PCDHA9: variants seen among roughly 807,000 people sequenced by gnomAD.
PCDHA9 encodes protocadherin alpha 9, also known as protocadherin alpha-9.
Under a neutral mutation model 62.0 loss-of-function variants are expected in PCDHA9, and 62 were observed. The observed-to-expected ratio is 1.00, with a 90% CI of 0.81 to 1.23. PCDHA9 has a LOEUF of 1.23. PCDHA9 is among the 50% of genes most tolerant of loss of function. The pLI, the probability that PCDHA9 is intolerant of heterozygous loss-of-function variation, is 0.00. For missense variants in PCDHA9, 1,205 were observed against 1,249.8 expected, an observed-to-expected ratio of 0.96 and a Z score of 0.54; for synonymous variants, 557 against 567.6, an observed-to-expected ratio of 0.98 and a Z score of 0.27.
In PCDHA9 at chr5:140,928,656, T is replaced by A. The variant is rs116598649; in HGVS notation, c.2395-50293T>A. ...TCACAAAAGTGGTAGCAGAGGATGC[T>A]GACAGTGGTTCTAATGCCTGGCTTT... On this transcript the variant is annotated intron_variant, in intron 1 of 3. Transcript: ENST00000532602. 5,180 of 1,614,228 alleles carry A rather than the reference T, an allele frequency of 3.2e-3. 26 individuals are homozygous for A. Among genetic ancestry groups the A allele is most frequent in the African/African-American group, 0.019 (1,449 of 75,056 alleles).
chr5:140,986,285 A>AGACT (rs1311762694), intron 3 of PCDHA9, among the ~76,000 whole-genome samples: 3 of 152,134 alleles, frequency 2.0e-5, no homozygotes, highest in Admixed American at 2.0e-4. Flanking sequence ...GCTTCCCTTG[A>AGACT]GACTGAGCAG....
intron 1 of PCDHA9, among the ~76,000 whole-genome samples, chr5:140,913,163 T>C (rs1248646454): frequency 1.3e-5 from 2 of 152,198 alleles, no homozygotes; most frequent in African/African-American, 4.8e-5. Context: ...AGGATTGGTA[T>C]TAGTTCTTCT....
At chr5:140,908,422 C>T (rs1403455941) in intron 1 of PCDHA9, among the ~76,000 whole-genome samples, 1 of 152,176 alleles carries the variant, frequency 6.6e-6, no homozygotes, top group Non-Finnish European at 1.5e-5. Context: ...TGATGGAATG[C>T]TGCTGTGCGC....
chr5:140,952,566 G>A (rs1198943972), intron 1 of PCDHA9, among the ~76,000 whole-genome samples: 1 of 151,938 alleles, frequency 6.6e-6, no homozygotes, highest in African/African-American at 2.4e-5. Flanking sequence ...TCAGCACTTC[G>A]GTCCCAATCA....
intron 3 of PCDHA9, among the ~76,000 whole-genome samples, chr5:140,991,152 C>T (rs533894396): frequency 4.1e-4 from 63 of 152,168 alleles, no homozygotes; most frequent in South Asian, 1.0e-3. Flanking sequence ...TTTTGCTCAC[C>T]ATTGTATTCC....
intron 1 of PCDHA9, among the ~76,000 whole-genome samples, chr5:140,913,340 C>G (rs1276320319): frequency 6.6e-6 from 1 of 152,024 alleles, no homozygotes; most frequent in African/African-American, 2.4e-5. Context: ...GGAATTTATC[C>G]ATTTCCTCTA....
intron 1 of PCDHA9, among the ~76,000 whole-genome samples, chr5:140,909,331 G>T (rs1162078506): frequency 6.6e-6 from 1 of 152,226 alleles, no homozygotes; most frequent in Admixed American, 6.5e-5. Context: ...ATCAATGGTT[G>T]CATACCAGGT....
chr5:140,870,358 G>A (rs201159213), intron 1 of PCDHA9: 4 of 1,614,098 alleles, frequency 2.5e-6, no homozygotes, highest in Non-Finnish European at 3.4e-6. Context: ...GAACGTGTGG[G>A]CCTATGAACT....
At position 141,010,104 on chromosome 5, in the gene PCDHA9, T is replaced by G; in HGVS notation, c.*167T>G. ...TGTCTAGAACGCATTTAACAGGTTTTGTCGTAAAAGCTTTACTAAGTCTGG... is the reference window on the plus strand; with the variant it reads ...TGTCTAGAACGCATTTAACAGGTTTGGTCGTAAAAGCTTTACTAAGTCTGG... On this transcript the variant is annotated 3_prime_UTR_variant, in exon 4 of 4. Coordinates refer to ENST00000532602, the MANE Select transcript of PCDHA9 (RefSeq NM_031857.2). 1 of 1,612,408 alleles carries G rather than the reference T, an allele frequency of 6.2e-7. No individual in the cohort carries two copies. Among genetic ancestry groups the G allele is most frequent in the Non-Finnish European group, 8.5e-7 (1 of 1,179,092 alleles).
chr5:140,944,857 A>G (rs1288221644), intron 1 of PCDHA9, among the ~76,000 whole-genome samples: 1 of 152,078 alleles, frequency 6.6e-6, no homozygotes, highest in Non-Finnish European at 1.5e-5. Context: ...AATCATCCTT[A>G]TTTATCTTAA....
intron 1 of PCDHA9, among the ~76,000 whole-genome samples, chr5:140,940,306 T>C (rs2092590981): frequency 6.6e-6 from 1 of 152,200 alleles, no homozygotes; most frequent in Non-Finnish European, 1.5e-5. Context: ...TAATTTATTA[T>C]CTTTCTTCCA....
intron 3 of PCDHA9, among the ~76,000 whole-genome samples, chr5:141,004,974 G>T (rs557503446): frequency 6.6e-6 from 1 of 152,302 alleles, no homozygotes; most frequent in South Asian, 2.1e-4. Context: ...CTGTAAATTT[G>T]CAGTATCATT....
chr5:140,994,052 C>T (rs2097593082), intron 3 of PCDHA9, among the ~76,000 whole-genome samples: 1 of 152,134 alleles, frequency 6.6e-6, no homozygotes, highest in African/African-American at 2.4e-5. Context: ...CAGTCCTGCC[C>T]TTATAAATCT....
chr5:140,895,631 C>T (rs1227407918), intron 1 of PCDHA9, among the ~76,000 whole-genome samples: 4 of 152,106 alleles, frequency 2.6e-5, no homozygotes, highest in African/African-American at 9.7e-5. Context: ...TGTCTTTTCA[C>T]ATTCTTTTTT....
Position 140,855,317 on chromosome 5 carries a change from G to A in PCDHA9, c.2394+4428G>A, listed in dbSNP as rs568738789. Among the ~76,000 whole-genome samples, 68 of 149,944 alleles carry A rather than the reference G, an allele frequency of 4.5e-4. 6 individuals are homozygous for A. Among genetic ancestry groups the A allele is most frequent in the African/African-American group, 1.6e-3 (65 of 40,966 alleles). The stretch of plus-strand genomic sequence containing the variant: ...CCAAAGTTATAAAATTGGAACATGA[G>A]GGAGGGAGAGGTTAAACGATTTTCC... On this transcript the variant is annotated intron_variant, in intron 1 of 3. Transcript: ENST00000532602.
intron 1 of PCDHA9, among the ~76,000 whole-genome samples, chr5:140,908,393 A>G (rs1295544122): frequency 2.0e-5 from 3 of 152,132 alleles, no homozygotes; most frequent in Non-Finnish European, 4.4e-5. Context: ...CCGATCACAT[A>G]TATACCACTT....
At position 140,957,560 on chromosome 5, in the gene PCDHA9, G is replaced by A. The variant is rs940495695; in HGVS notation, c.2395-21389G>A. ...TTAGAAAGTATTCTCTGTGGAAAAGGAGGGACTACTGTACTTTTAACAAAG... is the reference window on the plus strand; with the variant it reads ...TTAGAAAGTATTCTCTGTGGAAAAGAAGGGACTACTGTACTTTTAACAAAG... On this transcript the variant is annotated intron_variant, in intron 1 of 3. Transcript: ENST00000532602. 2.0e-5 allele frequency among the ~76,000 whole-genome samples: 3 copies of A among 152,074 alleles called. No homozygotes were observed. In the East Asian group the frequency reaches 5.8e-4, roughly 29 times the overall value.
chr5:140,878,273 G>T (rs2057527007), intron 1 of PCDHA9, among the ~76,000 whole-genome samples: 1 of 152,096 alleles, frequency 6.6e-6, no homozygotes, highest in Non-Finnish European at 1.5e-5. Flanking sequence ...TTTTAAAATA[G>T]CCTTCTTGAT....
chr5:140,979,157 A>G (rs2096837413), intron 2 of PCDHA9, 150 bp downstream of exon 2: 9 of 1,429,186 alleles, frequency 6.3e-6, no homozygotes, highest in Non-Finnish European at 8.3e-6. Context: ...CCCCATGTTT[A>G]TTCCTTGAAA....
Sources: allele counts gnomAD v4.1 joint callset (sites outside exome capture counted in the v4.1 genomes callset), GRCh38; gene constraint gnomAD v4.1.1; transcripts MANE v1.5; gene names NCBI Gene and HGNC (gene_info 2026-07-23, HGNC 2026-07-21).